The following GABRG3 variants were observed in gnomAD, a reference collection of about 807,000 sequenced individuals.
GABRG3 encodes gamma-aminobutyric acid receptor subunit gamma-3.
A neutral mutation model predicts 48.8 loss-of-function variants in GABRG3; 25 were observed. The ratio of observed to expected loss-of-function variants is 0.51; its 90% CI spans 0.37 to 0.72. The LOEUF is 0.72. Ranked by LOEUF, GABRG3 falls within the 30% of genes least tolerant of loss-of-function variation. The pLI is 0.00. For synonymous variants in GABRG3, 227 were observed against 217.6 expected (o/e 1.04, Z -0.38); for missense variants, 394 against 577.9 (o/e 0.68, Z 3.26).
At chr15:27,383,003 C>T (rs549954214) in intron 5 of GABRG3, among the ~76,000 whole-genome samples, 1 of 152,056 alleles carries the variant, frequency 6.6e-6, no homozygotes, top group Non-Finnish European at 1.5e-5. Flanking sequence ...AAGGAATAGA[C>T]TTTTACAGCC....
chr15:27,445,339 G>A (rs1257725032), intron 5 of GABRG3, among the ~76,000 whole-genome samples: 1 of 152,144 alleles, frequency 6.6e-6, no homozygotes, highest in Non-Finnish European at 1.5e-5. Flanking sequence ...ACCTCCTCAT[G>A]AGCAGTTTTC....
intron 3 of GABRG3, among the ~76,000 whole-genome samples, chr15:27,096,838 C>CTTTTT (rs34613626): frequency 1.6e-5 from 2 of 126,152 alleles, no homozygotes; most frequent in African/African-American, 3.0e-5. Context: ...TTCTTTCTAT[C>CTTTTT]TTTTTTTTTT....
chr15:27,064,116 CACG>C (rs1896697591), intron 3 of GABRG3, among the ~76,000 whole-genome samples: 1 of 150,934 alleles, frequency 6.6e-6, no homozygotes, highest in South Asian at 2.1e-4. Context: ...AGGAACTGGA[CACG>C]TAGTGGGGTG....
chr15:27,412,363 C>A, intron 5 of GABRG3, among the ~76,000 whole-genome samples: 1 of 152,110 alleles, frequency 6.6e-6, no homozygotes, highest in Admixed American at 6.6e-5. Flanking sequence ...TCCTTGACCC[C>A]TGGAAATCAC....
chr15:26,984,801 C>T (rs1895121897), intron 2 of GABRG3, among the ~76,000 whole-genome samples: 1 of 152,160 alleles, frequency 6.6e-6, no homozygotes. Flanking sequence ...AGATTCCCTC[C>T]CCAGTATGTG....
intron 3 of GABRG3, among the ~76,000 whole-genome samples, chr15:27,224,448 G>T (rs575944166): frequency 5.4e-4 from 82 of 152,264 alleles, no homozygotes; most frequent in African/African-American, 1.9e-3. Context: ...CAGGAAGCAG[G>T]TCCTCACCTG....
intron 6 of GABRG3, among the ~76,000 whole-genome samples, chr15:27,501,767 T>A (rs1191918045): frequency 1.3e-5 from 2 of 152,314 alleles, no homozygotes; most frequent in South Asian, 2.1e-4. Flanking sequence ...CGTTTGGTTG[T>A]GTGCAAGCAC....
At chr15:27,098,383 G>A (rs1897300668) in intron 3 of GABRG3, among the ~76,000 whole-genome samples, 1 of 152,156 alleles carries the variant, frequency 6.6e-6, no homozygotes, top group Admixed American at 6.5e-5. Context: ...GCGGTGAGCT[G>A]AGAGCGCACC....
chr15:27,327,128 A>G (rs1332613638), intron 4 of GABRG3, 99 bp downstream of exon 4: 14 of 1,067,806 alleles, frequency 1.3e-5, no homozygotes, highest in Admixed American at 1.1e-4. Flanking sequence ...CTCTAAGTCT[A>G]TTCTCTTTCA....
intron 5 of GABRG3, among the ~76,000 whole-genome samples, chr15:27,437,885 G>A (rs1888666657): frequency 6.6e-6 from 1 of 152,126 alleles, no homozygotes; most frequent in African/African-American, 2.4e-5. Flanking sequence ...GAGATCCCAT[G>A]GTGAGAAAAG....
chr15:27,378,775 A>C (rs138341532), intron 5 of GABRG3, among the ~76,000 whole-genome samples: 20 of 152,308 alleles, frequency 1.3e-4, no homozygotes, highest in African/African-American at 4.8e-4. Context: ...TTTCGCTGGA[A>C]AATTACACTC....
intron 6 of GABRG3, among the ~76,000 whole-genome samples, chr15:27,498,051 T>G (rs1012433325): frequency 6.6e-6 from 1 of 152,248 alleles, no homozygotes; most frequent in Admixed American, 6.5e-5. Context: ...TGCTACTGTG[T>G]GAATAAACTC....
chr15:27,509,052 G>A (rs1328514984), intron 6 of GABRG3, among the ~76,000 whole-genome samples: 1 of 152,084 alleles, frequency 6.6e-6, no homozygotes, highest in Non-Finnish European at 1.5e-5. Context: ...CTGAGAAACT[G>A]TTTATGTCTA....
chr15:27,011,683 TA>T (rs1189081438), intron 2 of GABRG3, among the ~76,000 whole-genome samples: 36 of 151,616 alleles, frequency 2.4e-4, no homozygotes, highest in Admixed American at 2.2e-3. Flanking sequence ...CTTTTTCTAC[TA>T]AAAAATACAA....
intron 5 of GABRG3, among the ~76,000 whole-genome samples, chr15:27,469,779 C>T (rs1889729390): frequency 6.6e-6 from 1 of 152,198 alleles, no homozygotes; most frequent in African/African-American, 2.4e-5. Flanking sequence ...CTCTATCCCC[C>T]ACATTTTCTG....
At position 27,503,431 on chromosome 15, in the gene GABRG3, C is replaced by G. The variant is rs80337771; in HGVS notation, c.713-16541C>G. Among the ~76,000 whole-genome samples the G allele has an allele frequency of 7.8e-3, 1,195 of 152,304 alleles. 17 individuals carry two copies. The highest frequency in any genetic ancestry group is 0.026 in the African/African-American group (1,101 of 41,552). The stretch of plus-strand genomic sequence containing the variant: ...TCCCACCTTCACACCCTCTTTAACT[C>G]TCTGCAACCCCTAATCTGCTCTCCA... On this transcript the variant is annotated intron_variant, in intron 6 of 9. Coordinates refer to ENST00000615808, the MANE Select transcript of GABRG3 (RefSeq NM_033223.5).
intron 3 of GABRG3, among the ~76,000 whole-genome samples, chr15:27,087,516 C>G (rs1027970728): frequency 2.0e-5 from 3 of 152,188 alleles, no homozygotes; most frequent in African/African-American, 7.2e-5. Flanking sequence ...GACATGTGAA[C>G]ATGCCACATG....
At chr15:27,192,197 T>C (rs1888336728) in intron 3 of GABRG3, among the ~76,000 whole-genome samples, 1 of 152,138 alleles carries the variant, frequency 6.6e-6, no homozygotes. Context: ...CTGACAATTG[T>C]GTGTCTTGGA....
At chr15:27,092,653 T>A (rs1372972479) in intron 3 of GABRG3, among the ~76,000 whole-genome samples, 3 of 152,198 alleles carry the variant, frequency 2.0e-5, no homozygotes, top group African/African-American at 7.2e-5. Flanking sequence ...AAAATAACAG[T>A]CAGGCCAGCC....
Sources: gnomAD v4.1 joint callset for allele counts (sites outside exome capture counted in the v4.1 genomes callset) on GRCh38, gnomAD v4.1.1 for gene constraint, MANE v1.5 for transcripts, NCBI Gene and HGNC (gene_info 2026-07-23, HGNC 2026-07-21) for gene names.